The following DOCK1 variants were observed in gnomAD, a reference collection of about 807,000 sequenced individuals.
The protein encoded by DOCK1 is dedicator of cytokinesis protein 1.
Under a neutral mutation model 262.7 loss-of-function variants are expected in DOCK1, and 138 were observed. That is an observed-to-expected ratio of 0.53 (90% CI 0.46 to 0.61). The LOEUF (loss-of-function observed/expected upper bound fraction) is 0.61, where lower values mean the gene tolerates loss of function less well. DOCK1 is among the 20% of genes least tolerant of loss of function. The pLI is 0.00. For synonymous variants in DOCK1, 866 were observed against 867.4 expected, an observed-to-expected ratio of 1.00 and a Z score of 0.03; for missense variants, 1,908 against 2,370.7, an observed-to-expected ratio of 0.80 and a Z score of 4.05.
chr10:127,380,007 T>C (rs1221975186), intron 35 of DOCK1, 75 bp from the exon 36 acceptor site: 3 of 1,046,124 alleles, frequency 2.9e-6, no homozygotes, highest in African/African-American at 3.2e-5. Flanking sequence ...ATGAAGTATC[T>C]TGAATTTTTA....
chr10:127,230,557 A>C (rs2058802545), intron 27 of DOCK1, among the ~76,000 whole-genome samples: 1 of 152,038 alleles, frequency 6.6e-6, no homozygotes, highest in African/African-American at 2.4e-5. Flanking sequence ...ATCTTTGTTG[A>C]AAATCAATTG....
At chr10:127,429,301 A>C (rs2069119431) in intron 47 of DOCK1, among the ~76,000 whole-genome samples, 1 of 152,076 alleles carries the variant, frequency 6.6e-6, no homozygotes, top group Non-Finnish European at 1.5e-5. Context: ...GTCCTGCTCC[A>C]TCCTTTGACC....
intron 26 of DOCK1, among the ~76,000 whole-genome samples, chr10:127,126,633 T>G (rs2049981283): frequency 6.6e-6 from 1 of 152,130 alleles, no homozygotes; most frequent in South Asian, 2.1e-4. Context: ...ACCCTGTGCC[T>G]TTCACTCCCA....
intron 38 of DOCK1, among the ~76,000 whole-genome samples, chr10:127,398,024 G>A (rs566140781): frequency 2.6e-5 from 4 of 152,304 alleles, no homozygotes; most frequent in African/African-American, 9.6e-5. Flanking sequence ...TGGGGCTCCT[G>A]TGTGACATGC....
At chr10:126,982,456 G>C (rs1038794012) in intron 4 of DOCK1, among the ~76,000 whole-genome samples, 4 of 151,622 alleles carry the variant, frequency 2.6e-5, no homozygotes, top group African/African-American at 9.7e-5. Context: ...TGATGTATAA[G>C]ATCATTAAAA....
At chr10:127,397,748 A>G (rs201294409) in intron 38 of DOCK1, among the ~76,000 whole-genome samples, 1 of 84,752 alleles carries the variant, frequency 1.2e-5, no homozygotes, top group Non-Finnish European at 2.4e-5. Context: ...CGACTCCTGT[A>G]TGACACGGGC....
intron 29 of DOCK1, 160 bp downstream of exon 29, chr10:127,257,589 C>T (rs377657885): frequency 7.2e-6 from 4 of 552,706 alleles, no homozygotes; most frequent in Admixed American, 3.0e-5. Flanking sequence ...GACAGGGACT[C>T]TGAGTTTGTG....
chr10:127,338,431 A>T (rs1393214193), intron 29 of DOCK1, among the ~76,000 whole-genome samples: 1 of 152,228 alleles, frequency 6.6e-6, no homozygotes, highest in Non-Finnish European at 1.5e-5. Flanking sequence ...TTCTGAGAAA[A>T]TTCTTGTCAA....
intron 1 of DOCK1, among the ~76,000 whole-genome samples, chr10:126,918,996 G>A (rs1283049585): frequency 1.9e-5 from 2 of 106,688 alleles, no homozygotes; most frequent in Admixed American, 1.0e-4. Flanking sequence ...GGAGTGTGGG[G>A]GCCCTTCGGC....
intron 31 of DOCK1, among the ~76,000 whole-genome samples, chr10:127,352,074 C>T (rs900973370): frequency 6.6e-6 from 1 of 151,180 alleles, no homozygotes; most frequent in Non-Finnish European, 1.5e-5. Flanking sequence ...ACCTACAGGA[C>T]AGTAAAGTCT....
intron 27 of DOCK1, among the ~76,000 whole-genome samples, chr10:127,174,006 C>G (rs1445195677): frequency 6.6e-6 from 1 of 152,236 alleles, no homozygotes; most frequent in Non-Finnish European, 1.5e-5. Flanking sequence ...ACTGCTGGAG[C>G]TGGGCCTTTC....
chr10:127,067,873 C>T (rs1312526235), intron 23 of DOCK1, among the ~76,000 whole-genome samples: 2 of 151,936 alleles, frequency 1.3e-5, no homozygotes, highest in African/African-American at 4.8e-5. Context: ...AGGCAACTTT[C>T]CTGACCAGCA....
chr10:127,396,754 C>CAA (rs372642343), intron 38 of DOCK1, among the ~76,000 whole-genome samples: 34,745 of 133,694 alleles, frequency 0.26, 4,622 homozygotes, highest in East Asian at 0.5. Context: ...ATCTCTGTTA[C>CAA]AAAAAAAAAA....
chr10:126,983,479 T>C (rs761915207), intron 4 of DOCK1, among the ~76,000 whole-genome samples: 4 of 152,222 alleles, frequency 2.6e-5, no homozygotes, highest in Non-Finnish European at 4.4e-5. Context: ...TTGCAGAGTC[T>C]GTCTCTTTCA....
chr10:127,254,014 C>T lies in DOCK1; in HGVS notation c.2950-3321C>T, dbSNP rs73382403. 5.5e-3 allele frequency among the ~76,000 whole-genome samples: 839 copies of T among 152,130 alleles called. 8 individuals are homozygous for T. Among genetic ancestry groups the T allele is most frequent in the African/African-American group, 0.019 (782 of 41,510 alleles). On this transcript the variant is annotated intron_variant, in intron 28 of 51. Coordinates refer to ENST00000623213, the MANE Select transcript of DOCK1 (RefSeq NM_001290223.2). The stretch of plus-strand genomic sequence containing the variant: ...CCAACCCCTTTCAGTCAGTGAGAGA[C>T]AGGGATGCACCTGCCCTAAGCTGTT...
intron 27 of DOCK1, among the ~76,000 whole-genome samples, chr10:127,203,326 T>G (rs1191784084): frequency 6.6e-6 from 1 of 152,156 alleles, no homozygotes; most frequent in Non-Finnish European, 1.5e-5. Context: ...GGATATGTGT[T>G]TTTATTTTTT....
chr10:127,360,928 G>T (rs376633104), intron 32 of DOCK1, among the ~76,000 whole-genome samples: 1 of 152,082 alleles, frequency 6.6e-6, no homozygotes, highest in African/African-American at 2.4e-5. Flanking sequence ...TAAGGTTACC[G>T]TGAAAATTCA....
In DOCK1 at chr10:127,175,909, C is replaced by T. The variant is rs370158282; in HGVS notation, c.2847+48145C>T. 24 of 1,614,210 alleles carry T rather than the reference C, an allele frequency of 1.5e-5. No individual in the cohort carries two copies. In the East Asian group the frequency reaches 4.0e-4, roughly 27 times the overall value. Reference sequence around the variant, plus strand: ...GTGGTCTTGTGCACCCGCCCCGCGCCACATGGCCGGGCCTCCTCCATGGGT... The same window carrying T: ...GTGGTCTTGTGCACCCGCCCCGCGCTACATGGCCGGGCCTCCTCCATGGGT... On this transcript the variant is annotated intron_variant, in intron 27 of 51. Transcript: ENST00000623213. This position sits in a 1 kb window ranked among gnomAD's most constrained non-coding sequence, Gnocchi z 6.3.
intron 27 of DOCK1, among the ~76,000 whole-genome samples, chr10:127,201,653 A>C (rs1419882362): frequency 6.6e-6 from 1 of 152,182 alleles, no homozygotes; most frequent in East Asian, 1.9e-4. Flanking sequence ...TATGGGAATA[A>C]GGAAGAGCAG....
Sources: gnomAD v4.1 joint callset for allele counts (sites outside exome capture counted in the v4.1 genomes callset) on GRCh38, gnomAD v4.1.1 for gene constraint, Gnocchi (gnomAD v3.1) non-coding constraint, MANE v1.5 for transcripts, NCBI Gene and HGNC (gene_info 2026-07-23, HGNC 2026-07-21) for gene names.